The following SUMF1 variants were observed in gnomAD, a reference collection of about 807,000 sequenced individuals.
SUMF1 encodes formylglycine-generating enzyme.
A neutral mutation model predicts 47.6 loss-of-function variants in SUMF1; 48 were observed. The observed-to-expected ratio is 1.01, with a 90% CI of 0.80 to 1.28. The LOEUF is 1.28. Ranked by LOEUF, SUMF1 falls within the 50% of genes most tolerant of loss-of-function variation. SUMF1 has a pLI of 0.00. For synonymous variants in SUMF1, 230 were observed against 192.1 expected, an observed-to-expected ratio of 1.20 and a Z score of -1.63; for missense variants, 571 against 485.4, an observed-to-expected ratio of 1.18 and a Z score of -1.66.
At chr3:4,349,944 C>T (rs555731076) in intron 8 of SUMF1, among the ~76,000 whole-genome samples, 42 of 142,768 alleles carry the variant, frequency 2.9e-4, no homozygotes, top group Admixed American at 2.8e-4. Context: ...TACATGCATC[C>T]GGTTTTTTTT....
At chr3:4,077,314 C>G (rs1269739597) in intron 8 of SUMF1, among the ~76,000 whole-genome samples, 1 of 151,982 alleles carries the variant, frequency 6.6e-6, no homozygotes, top group African/African-American at 2.4e-5. Flanking sequence ...GGGTATATAC[C>G]CAAAGGATTA....
chr3:4,127,491 GAA>G (rs922809108), intron 8 of SUMF1, among the ~76,000 whole-genome samples: 1 of 152,094 alleles, frequency 6.6e-6, no homozygotes, highest in African/African-American at 2.4e-5. Flanking sequence ...AGAAAAATGT[GAA>G]AAGAGAGACT....
intron 8 of SUMF1, among the ~76,000 whole-genome samples, chr3:4,104,718 A>C (rs1029846588): frequency 6.6e-6 from 1 of 150,442 alleles, no homozygotes; most frequent in Non-Finnish European, 1.5e-5. Flanking sequence ...AGCCCCTACC[A>C]ATTCCCCTGT....
intron 8 of SUMF1, chr3:4,316,767 T>G (rs917827586): frequency 1.9e-6 from 3 of 1,550,654 alleles, no homozygotes; most frequent in Admixed American, 3.9e-5. Flanking sequence ...AAAGCCAATC[T>G]TGCACCCAAA....
intron 8 of SUMF1, among the ~76,000 whole-genome samples, chr3:4,326,721 A>T (rs923470301): frequency 1.3e-5 from 2 of 151,828 alleles, no homozygotes; most frequent in African/African-American, 2.4e-5. Flanking sequence ...TGGTTTTGCC[A>T]TGTTGCCCAG....
intron 8 of SUMF1, among the ~76,000 whole-genome samples, chr3:4,166,764 T>C (rs1434586485): frequency 1.3e-5 from 2 of 152,110 alleles, no homozygotes; most frequent in South Asian, 4.1e-4. Flanking sequence ...ACCAACTTTT[T>C]TTCGGGACCC....
At chr3:4,071,549 C>T (rs1695525574) in intron 8 of SUMF1, among the ~76,000 whole-genome samples, 5 of 152,204 alleles carry the variant, frequency 3.3e-5, no homozygotes, top group Admixed American at 3.3e-4. Context: ...AGCTTAAGAT[C>T]CACTGGCTTG....
intron 8 of SUMF1, among the ~76,000 whole-genome samples, chr3:4,171,076 C>A (rs1315701194): frequency 6.6e-6 from 1 of 152,184 alleles, no homozygotes; most frequent in Non-Finnish European, 1.5e-5. Context: ...ATCTCAAATT[C>A]AAATTTTGTT....
chr3:4,095,844 A>G (rs1227911652), intron 8 of SUMF1, among the ~76,000 whole-genome samples: 1 of 152,174 alleles, frequency 6.6e-6, no homozygotes, highest in East Asian at 1.9e-4. Flanking sequence ...CTAGTGGTAG[A>G]TAACTCTGGT....
chr3:4,456,141 T>C (rs1300104721), intron 1 of SUMF1, among the ~76,000 whole-genome samples: 1 of 152,134 alleles, frequency 6.6e-6, no homozygotes, highest in Non-Finnish European at 1.5e-5. Context: ...CCTCAATATA[T>C]GCAAAGGCAT....
chr3:4,142,366 C>A (rs899242390), intron 8 of SUMF1, among the ~76,000 whole-genome samples: 1 of 152,132 alleles, frequency 6.6e-6, no homozygotes. Flanking sequence ...ATGTTTAACA[C>A]ATATTGCTGT....
chr3:4,411,034 T>C, intron 6 of SUMF1, 56 bp from the exon 7 acceptor site: 6 of 1,366,138 alleles, frequency 4.4e-6, no homozygotes, highest in Admixed American at 1.7e-5. Context: ...TTAAAAAACA[T>C]CTTCAGTGCA....
chr3:4,252,207 A>G (rs1477559830), intron 8 of SUMF1, among the ~76,000 whole-genome samples: 1 of 152,230 alleles, frequency 6.6e-6, no homozygotes, highest in Non-Finnish European at 1.5e-5. Context: ...ACAAATGATG[A>G]CAGAATTAAT....
chr3:4,097,881 A>C (rs1382781547), intron 8 of SUMF1, among the ~76,000 whole-genome samples: 2 of 152,154 alleles, frequency 1.3e-5, no homozygotes, highest in Non-Finnish European at 2.9e-5. Flanking sequence ...CAAGGGCCAG[A>C]AGTTGGTGTG....
At chr3:4,424,916 G>A (rs1702020912) in intron 3 of SUMF1, among the ~76,000 whole-genome samples, 1 of 152,118 alleles carries the variant, frequency 6.6e-6, no homozygotes, top group South Asian at 2.1e-4. Context: ...TGCTATTTTA[G>A]GCCAAATACC....
At chr3:4,303,467 G>C (rs759550596) in intron 8 of SUMF1, 1 of 1,529,208 alleles carries the variant, frequency 6.5e-7, no homozygotes, top group South Asian at 1.3e-5. Flanking sequence ...TGTCGCGTGC[G>C]GCCAGGAAAA....
At chr3:4,287,878 T>C (rs1193192891) in intron 8 of SUMF1, among the ~76,000 whole-genome samples, 3 of 152,226 alleles carry the variant, frequency 2.0e-5, no homozygotes, top group East Asian at 1.9e-4. Context: ...AATTAGTAAA[T>C]CTTCCAATAT....
intron 8 of SUMF1, among the ~76,000 whole-genome samples, chr3:4,368,465 G>T (rs1248790359): frequency 6.6e-6 from 1 of 152,074 alleles, no homozygotes; most frequent in Non-Finnish European, 1.5e-5. Context: ...AATACCATTT[G>T]ACCCAGCCAT....
At chr3:4,418,843 GAAA>G (rs1225318999) in intron 4 of SUMF1, among the ~76,000 whole-genome samples, 1 of 151,814 alleles carries the variant, frequency 6.6e-6, no homozygotes, top group Non-Finnish European at 1.5e-5. Flanking sequence ...GAAGTTTGGG[GAAA>G]AAAAACTGAG....
Sources: gnomAD v4.1 joint callset for allele counts (sites outside exome capture counted in the v4.1 genomes callset) on GRCh38, gnomAD v4.1.1 for gene constraint, MANE v1.5 for transcripts, NCBI Gene and HGNC (gene_info 2026-07-23, HGNC 2026-07-21) for gene names.